LRRC37A2: variants seen among roughly 807,000 people sequenced by gnomAD.
The protein encoded by LRRC37A2 is leucine-rich repeat-containing protein 37A2.
LRRC37A2 carries 9 observed loss-of-function variants against 68.8 expected under a neutral mutation model. The observed-to-expected ratio is 0.13, with a 90% confidence interval of 0.08 to 0.23. The LOEUF is 0.23. LRRC37A2 is among the 10% of genes least tolerant of loss of function. The pLI is 1.00. For missense variants in LRRC37A2, 168 were observed against 950.4 expected (o/e 0.18, Z 10.82); for synonymous variants, 63 against 367.6 (o/e 0.17, Z 9.48).
chr17:46,784,417 C>A, the LRRC37A2 span, among the ~76,000 whole-genome samples: 1 of 151,938 alleles, frequency 6.6e-6, no homozygotes, highest in Non-Finnish European at 1.5e-5. Context: ...TTGTAAGGAG[C>A]TAAAAGTTGA....
chr17:46,621,317 C>T, the LRRC37A2 span, among the ~76,000 whole-genome samples: 5 of 139,780 alleles, frequency 3.6e-5, no homozygotes, highest in Admixed American at 1.5e-4. Context: ...GATAGGGTCT[C>T]GCTCTGTTGC....
the LRRC37A2 span, among the ~76,000 whole-genome samples, chr17:46,966,210 G>T: frequency 6.6e-6 from 1 of 152,172 alleles, no homozygotes. Context: ...CTCAAATAAT[G>T]AGACAGAAAA....
the LRRC37A2 span, among the ~76,000 whole-genome samples, chr17:46,716,553 G>A: frequency 2.0e-5 from 3 of 152,060 alleles, no homozygotes; most frequent in African/African-American, 2.4e-5. Flanking sequence ...CACCGCGCCC[G>A]GCCTGCACCT....
chr17:46,923,566 GAGGAGACACGGAGT>G, the LRRC37A2 span: 1 of 1,315,528 alleles, frequency 7.6e-7, no homozygotes, highest in Non-Finnish European at 9.6e-7. Flanking sequence ...TAGACCTCGA[GAGGAGACACGGAGT>G]AGGAGACACG....
the LRRC37A2 span, among the ~76,000 whole-genome samples, chr17:46,834,651 C>T: frequency 6.8e-4 from 104 of 152,254 alleles, no homozygotes; most frequent in African/African-American, 2.4e-3. Flanking sequence ...GTCCTTCTCG[C>T]CTGCCTCCTC....
At chr17:46,807,789 G>A in the LRRC37A2 span, among the ~76,000 whole-genome samples, 1 of 152,336 alleles carries the variant, frequency 6.6e-6, no homozygotes, top group African/African-American at 2.4e-5. Context: ...CGGAAGAGCA[G>A]GATCAGGGAA....
the LRRC37A2 span, among the ~76,000 whole-genome samples, chr17:47,028,770 C>T: frequency 1.4e-4 from 21 of 151,108 alleles, no homozygotes; most frequent in East Asian, 5.9e-4. Context: ...ATTAGCTGGG[C>T]GTGGTGGTGC....
the LRRC37A2 span, chr17:46,936,056 A>G: frequency 5.1e-6 from 5 of 985,692 alleles, no homozygotes; most frequent in South Asian, 4.7e-5. Flanking sequence ...TGCCATCTCT[A>G]CGGGGGAGAG....
At chr17:46,773,973 T>C in the LRRC37A2 span, 5 of 1,572,072 alleles carry the variant, frequency 3.2e-6, no homozygotes, top group East Asian at 2.3e-5. Flanking sequence ...CTGGGCACCA[T>C]GGCCGCTTTG....
At chr17:46,522,436 C>CTTGTTTGTTTGT (rs200442940) in intron 4 of LRRC37A2, among the ~76,000 whole-genome samples, 11 of 120,344 alleles carry the variant, frequency 9.1e-5, no homozygotes, top group Non-Finnish European at 1.8e-4. Context: ...AAATGTGAGA[C>CTTGTTTGTTTGT]TTGTTTGTTT....
At chr17:46,802,367 G>A in the LRRC37A2 span, among the ~76,000 whole-genome samples, 1 of 152,230 alleles carries the variant, frequency 6.6e-6, no homozygotes, top group Non-Finnish European at 1.5e-5. Context: ...CTGGGTTCAA[G>A]CGATTCTCCT....
chr17:46,404,986 T>G, the LRRC37A2 span, among the ~76,000 whole-genome samples: 19,292 of 88,076 alleles, frequency 0.22, 6,376 homozygotes, highest in Middle Eastern at 0.4. Context: ...GCGGATTGCC[T>G]GAGCTCAGGA....
chr17:46,782,638 T>A, the LRRC37A2 span, among the ~76,000 whole-genome samples: 1 of 152,222 alleles, frequency 6.6e-6, no homozygotes, highest in Non-Finnish European at 1.5e-5. Flanking sequence ...CCTAGCCAGT[T>A]CAGGGGCATG....
At chr17:46,698,010 A>G in the LRRC37A2 span, among the ~76,000 whole-genome samples, 1 of 46,446 alleles carries the variant, frequency 2.2e-5, no homozygotes, top group East Asian at 6.3e-4. Flanking sequence ...TGTTTTAATA[A>G]GAAGAGATGG....
chr17:46,978,680 T>G, the LRRC37A2 span: 2 of 1,610,402 alleles, frequency 1.2e-6, no homozygotes, highest in Non-Finnish European at 1.7e-6. Flanking sequence ...CCCACGTCCT[T>G]GGAGGGCCGG....
At chr17:46,619,789 A>AC in the LRRC37A2 span, among the ~76,000 whole-genome samples, 2 of 87,826 alleles carry the variant, frequency 2.3e-5, no homozygotes, top group African/African-American at 4.7e-5. Context: ...AAAAAAAAAA[A>AC]AAAAAAACCC....
the LRRC37A2 span, chr17:46,877,140 G>A: frequency 1.0e-6 from 1 of 962,238 alleles, no homozygotes; most frequent in African/African-American, 1.8e-5. Context: ...AAGGCAGGCA[G>A]TGCCAGCTGG....
chr17:46,755,965 G>T, the LRRC37A2 span: 2 of 741,100 alleles, frequency 2.7e-6, no homozygotes, highest in South Asian at 1.9e-5. Flanking sequence ...CATGATTAGT[G>T]CAATAAAACT....
At chr17:46,973,891 C>T in the LRRC37A2 span, among the ~76,000 whole-genome samples, 2 of 152,190 alleles carry the variant, frequency 1.3e-5, no homozygotes, top group Non-Finnish European at 2.9e-5. Flanking sequence ...TACCCGCCAC[C>T]TCGCATGCTC....
Sources: gnomAD v4.1 joint callset for allele counts (sites outside exome capture counted in the v4.1 genomes callset) on GRCh38, gnomAD v4.1.1 for gene constraint, MANE v1.5 for transcripts, NCBI Gene and HGNC (gene_info 2026-07-23, HGNC 2026-07-21) for gene names.